JCAD: variants seen among roughly 807,000 people sequenced by gnomAD.
JCAD encodes junctional cadherin 5 associated.
A neutral mutation model predicts 98.0 loss-of-function variants in JCAD; 40 were observed. The observed-to-expected ratio is 0.41, with a 90% CI of 0.32 to 0.53. JCAD has a LOEUF of 0.53. Ranked by LOEUF, JCAD falls within the 20% of genes least tolerant of loss-of-function variation. The pLI, the probability that JCAD is intolerant of heterozygous loss-of-function variation, is 0.31. For missense variants in JCAD, 1,705 were observed against 1,738.1 expected (o/e 0.98, Z 0.34); for synonymous variants, 691 against 682.3 (o/e 1.01, Z -0.20).
At position 30,027,607 on chromosome 10, in the gene JCAD, T is replaced by A; in HGVS notation, c.2541A>T (p.Glu847Asp). ...TGCTGCTGCTGCTGCTACTGCTGCT[T>A]TCTTCCTCTTCCTGGAGCTCCTTGT... ...SFNKELQEEE[E>D]SSSSSSSSSS... The change falls in exon 3 of 4, where the codon GAA (glutamate) becomes GAT (aspartate). Residue 847 changes from glutamate (E) to aspartate (D), a missense_variant. Physicochemically the swap from Glu to Asp is conservative, Grantham distance 45 (BLOSUM62 2). Coordinates refer to ENST00000375377, the MANE Select transcript of JCAD (RefSeq NM_020848.4). The A allele has an allele frequency of 1.2e-6, 2 of 1,614,056 alleles. 1 individual carries two copies. Among genetic ancestry groups the A allele is most frequent in the South Asian group, 2.2e-5 (2 of 91,088 alleles).
At chr10:30,082,898 G>A (rs1838111279) in intron 1 of JCAD, among the ~76,000 whole-genome samples, 1 of 150,686 alleles carries the variant, frequency 6.6e-6, no homozygotes, top group Non-Finnish European at 1.5e-5. Flanking sequence ...GCTGGGTGTG[G>A]TGGCATGCAC....
intron 1 of JCAD, among the ~76,000 whole-genome samples, chr10:30,103,114 A>G (rs1243273081): frequency 1.3e-5 from 2 of 152,148 alleles, no homozygotes; most frequent in African/African-American, 4.8e-5. Context: ...CCCAGTTCAT[A>G]TTGTTGCATA....
At chr10:30,042,010 G>C (rs530782856) in intron 2 of JCAD, among the ~76,000 whole-genome samples, 1 of 152,178 alleles carries the variant, frequency 6.6e-6, no homozygotes, top group South Asian at 2.1e-4. Context: ...GTTTCAGCAG[G>C]CAAGCTTTGG....
Position 30,026,177 on chromosome 10 carries a change from C to A in JCAD, c.3971G>T (p.Ser1324Ile), listed in dbSNP as rs1282621835. The change falls in exon 3 of 4, where the codon AGC (serine) becomes ATC (isoleucine). Residue 1324 changes from serine (S) to isoleucine (I), a missense_variant. Physicochemically the swap from Ser to Ile is moderately radical, Grantham distance 142 (BLOSUM62 -2). Around this residue, in one of 3 missense-constraint regions of JCAD, gnomAD observed 1,278 missense variants for 1,243.1 expected, o/e 1.03. Transcript: ENST00000375377. ...ATGCTCCTTCTCTTCCCTGGAGATG[C>A]TGTCCTTGGACACAGAGAGTGAGTG... The part of the protein sequence containing the change: ...LGHSLSVSKD[S>I]ISREEKEHPA... 3.1e-6 allele frequency: 5 copies of A among 1,614,192 alleles called. No individual in the cohort carries two copies. The South Asian group carries it at 5.5e-5, about 18-fold the overall frequency.
At chr10:30,048,865 G>T (rs577051493) in intron 1 of JCAD, among the ~76,000 whole-genome samples, 2 of 152,252 alleles carry the variant, frequency 1.3e-5, no homozygotes, top group Admixed American at 6.5e-5. Flanking sequence ...ACCACACCCG[G>T]CCTCCTTATG....
At chr10:30,100,041 C>T (rs1838442964) in intron 1 of JCAD, among the ~76,000 whole-genome samples, 1 of 152,108 alleles carries the variant, frequency 6.6e-6, no homozygotes, top group South Asian at 2.1e-4. Flanking sequence ...TAACCCTGGC[C>T]AACAGGGGAA....
intron 1 of JCAD, among the ~76,000 whole-genome samples, chr10:30,055,101 G>A (rs1298080728): frequency 2.0e-5 from 3 of 152,210 alleles, no homozygotes; most frequent in African/African-American, 7.2e-5. Flanking sequence ...TTATCTGCCA[G>A]AGAGACTCTT....
At chr10:30,100,036 C>T (rs1277078070) in intron 1 of JCAD, among the ~76,000 whole-genome samples, 2 of 152,176 alleles carry the variant, frequency 1.3e-5, no homozygotes, top group Non-Finnish European at 2.9e-5. Context: ...CGGTCTAACC[C>T]TGGCCAACAG....
At position 30,027,154 on chromosome 10, in the gene JCAD, C is replaced by A; in HGVS notation, c.2994G>T (p.Glu998Asp). The A allele has an allele frequency of 1.9e-6, 3 of 1,614,156 alleles. No homozygotes were observed. The highest frequency in any genetic ancestry group is 2.5e-6 in the Non-Finnish European group (3 of 1,179,978). Residue 998 changes from glutamate (E) to aspartate (D), a missense_variant, in exon 3 of 4, where the codon GAG becomes GAT. Glu to Asp is a conservative substitution (Grantham distance 45). Around this residue, in one of 3 missense-constraint regions of JCAD, gnomAD observed 1,278 missense variants for 1,243.1 expected, o/e 1.03. Transcript: ENST00000375377. The stretch of plus-strand genomic sequence containing the variant: ...TGGTGATTTTCGGACTTTCCTGGGG[C>A]TCCCTAGGTTCAGCTGGATAGGACG... ...LPASYPAEPR[E>D]PQESPKITSA... is the part of the protein sequence containing the mutation.
At chr10:30,112,185 G>C (rs895763504) in intron 1 of JCAD, among the ~76,000 whole-genome samples, 6 of 152,162 alleles carry the variant, frequency 3.9e-5, no homozygotes, top group African/African-American at 1.4e-4. Context: ...TTAAGAATAT[G>C]ATGCTGGGCT....
At chr10:30,095,529 C>T (rs938528178) in intron 1 of JCAD, among the ~76,000 whole-genome samples, 3 of 152,238 alleles carry the variant, frequency 2.0e-5, no homozygotes, top group African/African-American at 7.2e-5. Context: ...CCCCGTTCGA[C>T]CTGCTCTGAC....
At chr10:30,103,867 G>A (rs1235866321) in intron 1 of JCAD, among the ~76,000 whole-genome samples, 1 of 151,844 alleles carries the variant, frequency 6.6e-6, no homozygotes, top group African/African-American at 2.4e-5. Context: ...GAGTAGCTGG[G>A]ATTACAGGCA....
chr10:30,112,639 A>ACATGGGTG, intron 1 of JCAD, among the ~76,000 whole-genome samples: 1 of 152,248 alleles, frequency 6.6e-6, no homozygotes, highest in South Asian at 2.1e-4. Flanking sequence ...TTGGAAGCCG[A>ACATGGGTG]CATGGGTGGA....
At chr10:30,067,607 C>T (rs73598345) in intron 2 of JCAD, among the ~76,000 whole-genome samples, 9,902 of 151,190 alleles carry the variant, frequency 0.065, 470 homozygotes, top group East Asian at 0.22. Flanking sequence ...GGATTACAGG[C>T]GTAAGCCACT....
At chr10:30,018,730 C>G (rs1256667423) in intron 3 of JCAD, among the ~76,000 whole-genome samples, 1 of 152,176 alleles carries the variant, frequency 6.6e-6, no homozygotes, top group Admixed American at 6.5e-5. Flanking sequence ...AAACCTAAGG[C>G]TCACACGTGC....
chr10:30,082,580 G>A (rs61841137), intron 1 of JCAD, among the ~76,000 whole-genome samples: 16,591 of 151,942 alleles, frequency 0.11, 1,227 homozygotes, highest in Non-Finnish European at 0.16. Flanking sequence ...GGCCAGGTGT[G>A]GTGGCTCATG....
At position 30,108,142 on chromosome 10, in the gene JCAD, G is replaced by A. The variant is rs375319129; in HGVS notation, n.128+7225C>T. On this transcript the variant is annotated intron_variant and non_coding_transcript_variant, in intron 1 of 2. Coordinates refer to the JCAD transcript ENST00000465712. The stretch of plus-strand genomic sequence containing the variant: ...CGCCTGGCCAACATGGTGAAACCCC[G>A]TCTCTACTAAAAATACAAAATTAGC... 1.0e-3 allele frequency among the ~76,000 whole-genome samples: 158 copies of A among 152,002 alleles called. 2 individuals carry two copies. The highest frequency in any genetic ancestry group is 3.1e-3 in the African/African-American group (129 of 41,452).
chr10:30,101,009 G>A (rs1838463301), intron 1 of JCAD, among the ~76,000 whole-genome samples: 1 of 152,232 alleles, frequency 6.6e-6, no homozygotes, highest in African/African-American at 2.4e-5. Flanking sequence ...AGGAATGTCT[G>A]GGTTAAGATA....
At chr10:30,025,144 G>A (rs1402961836) in intron 3 of JCAD, among the ~76,000 whole-genome samples, 2 of 152,098 alleles carry the variant, frequency 1.3e-5, no homozygotes, top group Non-Finnish European at 2.9e-5. Flanking sequence ...GGTAGGAAGA[G>A]GGAAGGGCCC....
Sources: gnomAD v4.1 joint callset for allele counts (sites outside exome capture counted in the v4.1 genomes callset) on GRCh38, gnomAD v4.1.1 for gene constraint, gnomAD v4.1.1 regional missense constraint, MANE v1.5 for transcripts, NCBI Gene and HGNC (gene_info 2026-07-23, HGNC 2026-07-21) for gene names.